Variants in DPH6 observed in about 807,000 individuals in gnomAD.
DPH6 encodes the protein diphthamine biosynthesis 6.
DPH6 carries 33 observed loss-of-function variants against 38.2 expected under a neutral mutation model. That is an observed-to-expected ratio of 0.86 (90% confidence interval 0.65 to 1.15). The LOEUF is 1.15. DPH6 is among the 50% of genes most tolerant of loss of function. The pLI is 0.00. For missense variants in DPH6, 325 were observed against 320.0 expected (o/e 1.02, Z -0.12); for synonymous variants, 108 against 103.0 (o/e 1.05, Z -0.30).
chr15:35,448,673 GTTAA>G (rs1172859166), intron 5 of DPH6, among the ~76,000 whole-genome samples: 2 of 152,016 alleles, frequency 1.3e-5, no homozygotes, highest in African/African-American at 4.8e-5. Context: ...AAATTGTGGT[GTTAA>G]TTAAATTTAA....
intron 2 of DPH6, among the ~76,000 whole-genome samples, chr15:35,541,879 T>C (rs1373189738): frequency 1.3e-5 from 2 of 152,130 alleles, no homozygotes; most frequent in Non-Finnish European, 2.9e-5. Flanking sequence ...CCCTTGTTAC[T>C]ACAGACAAAT....
intron 3 of DPH6, among the ~76,000 whole-genome samples, chr15:35,478,284 T>C (rs2054284767): frequency 6.6e-6 from 1 of 151,156 alleles, no homozygotes; most frequent in Non-Finnish European, 1.5e-5. Context: ...ATATTCAACA[T>C]TCAAATTATC....
intron 5 of DPH6, among the ~76,000 whole-genome samples, chr15:35,426,015 AG>A (rs1322727587): frequency 1.3e-5 from 2 of 151,440 alleles, no homozygotes; most frequent in East Asian, 3.9e-4. Context: ...CTGAGCAAAT[AG>A]AGACTCTCTT....
the DPH6 span, among the ~76,000 whole-genome samples, chr15:35,199,199 C>T: frequency 6.6e-6 from 1 of 152,304 alleles, no homozygotes; most frequent in South Asian, 2.1e-4. Context: ...AGGCGTGAGC[C>T]ACCACGCCCA....
intron 5 of DPH6, among the ~76,000 whole-genome samples, chr15:35,415,009 G>A (rs2053418023): frequency 6.6e-6 from 1 of 151,720 alleles, no homozygotes; most frequent in Non-Finnish European, 1.5e-5. Flanking sequence ...AACTGCTTTT[G>A]CCTGCTTCCT....
intron 6 of DPH6, among the ~76,000 whole-genome samples, chr15:35,397,847 G>T (rs2053158682): frequency 1.6e-5 from 2 of 124,632 alleles, no homozygotes; most frequent in South Asian, 2.6e-4. Context: ...AATAAAAATA[G>T]ATGGAATCAA....
chr15:35,420,452 A>C (rs1351744868), intron 5 of DPH6, among the ~76,000 whole-genome samples: 4 of 152,214 alleles, frequency 2.6e-5, no homozygotes, highest in Admixed American at 2.0e-4. Flanking sequence ...TTAGGGCATA[A>C]ATAAATAAAA....
At chr15:35,327,070 G>A (rs1176535026), downstream of DPH6, among the ~76,000 whole-genome samples, 1 of 152,090 alleles carries the variant, frequency 6.6e-6, no homozygotes, top group South Asian at 2.1e-4. Context: ...GCTAGCATTT[G>A]GGAGAAGAAC....
chr15:35,496,567 A>AAAAAAAAAAAAAAAATATATATATAT, intron 3 of DPH6, among the ~76,000 whole-genome samples: 4 of 31,010 alleles, frequency 1.3e-4, no homozygotes, highest in Admixed American at 4.7e-4. Context: ...AAAAAAAAAA[A>AAAAAAAAAAAAAAAATATATATATAT]ATATATATAT....
At chr15:35,252,385 T>G (rs1421874346) in intron 3 of DPH6, among the ~76,000 whole-genome samples, 3 of 152,196 alleles carry the variant, frequency 2.0e-5, no homozygotes, top group Non-Finnish European at 4.4e-5. Context: ...TCAAATTAGT[T>G]TTGGAAATCC....
intron 5 of DPH6, among the ~76,000 whole-genome samples, chr15:35,413,335 A>AAATTTTTG (rs1249125501): frequency 6.6e-6 from 1 of 151,664 alleles, no homozygotes; most frequent in Non-Finnish European, 1.5e-5. Context: ...ATGGCCTTAA[A>AAATTTTTG]AATTTTTGAT....
chr15:35,277,724 G>A (rs1377400049), intron 3 of DPH6, among the ~76,000 whole-genome samples: 1 of 152,164 alleles, frequency 6.6e-6, no homozygotes, highest in Non-Finnish European at 1.5e-5. Context: ...TAAGTTACTG[G>A]GAACGCGAGT....
At chr15:35,315,819 A>C (rs537640519) in intron 3 of DPH6, among the ~76,000 whole-genome samples, 22 of 152,362 alleles carry the variant, frequency 1.4e-4, no homozygotes, top group African/African-American at 4.8e-4. Context: ...ACGGATAAAG[A>C]AAATGTGGTA....
chr15:35,462,131 A>C (rs936686212), intron 3 of DPH6, among the ~76,000 whole-genome samples: 3 of 152,096 alleles, frequency 2.0e-5, no homozygotes, highest in Admixed American at 2.0e-4. Flanking sequence ...CCTTCCAAAA[A>C]TATCCCAGAT....
intron 3 of DPH6, among the ~76,000 whole-genome samples, chr15:35,502,636 T>C (rs2054641939): frequency 6.6e-6 from 1 of 151,762 alleles, no homozygotes; most frequent in Admixed American, 6.6e-5. Context: ...TTAAATTACA[T>C]ACAGAAAAAC....
chr15:35,185,724 C>CTTTTTTTTTTTTT, the DPH6 span, among the ~76,000 whole-genome samples: 2 of 83,016 alleles, frequency 2.4e-5, no homozygotes, highest in Admixed American at 1.4e-4. Context: ...CCAATCCACT[C>CTTTTTTTTTTTTT]TTTTTTTTTT....
At chr15:35,334,401 A>G (rs1196290171) in intron 3 of DPH6, among the ~76,000 whole-genome samples, 2 of 151,748 alleles carry the variant, frequency 1.3e-5, no homozygotes, top group Admixed American at 6.6e-5. Flanking sequence ...CTTTTCTTCT[A>G]CTTTTATTTT....
At position 35,370,948 on chromosome 15, in the gene DPH6, T is replaced by C. The variant is rs377378674; in HGVS notation, c.*1202A>G. ...TGGAAGCAACTGAGATGTTCTTCAA[T>C]AGGTGCATGGACAAATGAAATGTGG... On this transcript the variant is annotated 3_prime_UTR_variant, in exon 9 of 9. Transcript: ENST00000256538. 1 of 151,594 alleles carries C rather than the reference T, an allele frequency of 6.6e-6. No individual in the cohort carries two copies. Among genetic ancestry groups the C allele is most frequent in the African/African-American group, 2.4e-5 (1 of 41,320 alleles). 9.4% of individuals were successfully genotyped at this position (151,594 alleles called of 1,614,324 possible).
At position 35,269,891 on chromosome 15, in the gene DPH6, C is replaced by T. The variant is rs200484957; in HGVS notation, n.201-49309G>A. Among the ~76,000 whole-genome samples the T allele has an allele frequency of 4.4e-4, 65 of 149,154 alleles. 1 individual carries two copies. Among genetic ancestry groups the T allele is most frequent in the African/African-American group, 1.5e-3 (61 of 40,490 alleles). The stretch of plus-strand genomic sequence containing the variant: ...CTGCAAGCTCCACCTCCTGGGTTCA[C>T]GCCATTCTCCTGCCTCAGCCTCCCG... On this transcript the variant is annotated intron_variant and non_coding_transcript_variant, in intron 3 of 3. Transcript: ENST00000560386.
Sources: gnomAD v4.1 joint callset for allele counts (sites outside exome capture counted in the v4.1 genomes callset) on GRCh38, gnomAD v4.1.1 for gene constraint, MANE v1.5 for transcripts, NCBI Gene and HGNC (gene_info 2026-07-23, HGNC 2026-07-21) for gene names.